The following CACNA1C variants were observed in gnomAD, a reference collection of about 807,000 sequenced individuals.
The protein encoded by CACNA1C is calcium voltage-gated channel subunit alpha1 C.
Under a neutral mutation model 229.0 loss-of-function variants are expected in CACNA1C, and 30 were observed. The observed-to-expected ratio is 0.13, with a 90% CI of 0.10 to 0.18. CACNA1C has a LOEUF of 0.18. Ranked by LOEUF, CACNA1C falls within the 10% of genes least tolerant of loss-of-function variation. The pLI, the probability that CACNA1C is intolerant of heterozygous loss-of-function variation, is 1.00. For missense variants in CACNA1C, 1,658 were observed against 2,845.0 expected, an observed-to-expected ratio of 0.58 and a Z score of 9.49; for synonymous variants, 1,114 against 1,132.5, an observed-to-expected ratio of 0.98 and a Z score of 0.33.
chr12:2,180,877 TG>T (rs1396723609), intron 3 of CACNA1C, among the ~76,000 whole-genome samples: 2 of 152,176 alleles, frequency 1.3e-5, no homozygotes, highest in Non-Finnish European at 2.9e-5. Flanking sequence ...GTGCAGAGTA[TG>T]GGGTGCTGAA....
At chr12:2,462,896 G>A (rs537540507) in intron 5 of CACNA1C, among the ~76,000 whole-genome samples, 76 of 150,574 alleles carry the variant, frequency 5.0e-4, no homozygotes, top group African/African-American at 1.7e-3. Flanking sequence ...AGTGTTAGAG[G>A]CCCCAAAAGT....
At chr12:2,320,472 T>C (rs1265150860) in intron 3 of CACNA1C, among the ~76,000 whole-genome samples, 1 of 152,246 alleles carries the variant, frequency 6.6e-6, no homozygotes, top group Non-Finnish European at 1.5e-5. Context: ...AGTCATTAAA[T>C]AGCAATTATT....
intron 3 of CACNA1C, among the ~76,000 whole-genome samples, chr12:2,274,061 G>C (rs1404895599): frequency 6.6e-6 from 1 of 152,232 alleles, no homozygotes. Context: ...AGGTGGCCCT[G>C]GGTCGAAGGA....
chr12:2,630,002 C>T lies in CACNA1C; in HGVS notation c.3829-4295C>T, dbSNP rs1020080518. On this transcript the variant is annotated intron_variant, in intron 29 of 46. Transcript: ENST00000399655. This position sits in a 1 kb window ranked among gnomAD's most constrained non-coding sequence, Gnocchi z 5.4. ...TGGGGAGTTGGAAGGGGGAAATCCA[C>T]TCAGCCTGTGGGATTGGGGGATGGC... Among the ~76,000 whole-genome samples, 5 of 152,174 alleles carry T rather than the reference C, an allele frequency of 3.3e-5. No individual in the cohort carries two copies. The highest frequency in any genetic ancestry group is 5.9e-5 in the Non-Finnish European group (4 of 68,038).
chr12:2,570,498 C>T (rs1040000368), intron 13 of CACNA1C, among the ~76,000 whole-genome samples: 5 of 152,082 alleles, frequency 3.3e-5, no homozygotes, highest in Non-Finnish European at 7.3e-5. Context: ...AATATTATGA[C>T]TGCTATTATT....
intron 30 of CACNA1C, among the ~76,000 whole-genome samples, chr12:2,636,442 G>A (rs1232953605): frequency 6.6e-6 from 1 of 152,232 alleles, no homozygotes; most frequent in Non-Finnish European, 1.5e-5. Context: ...GTTGGGGATA[G>A]GGAGGGGGCC....
At chr12:2,312,178 TGA>T (rs754694353) in intron 3 of CACNA1C, among the ~76,000 whole-genome samples, 49 of 152,092 alleles carry the variant, frequency 3.2e-4, no homozygotes, top group Non-Finnish European at 6.2e-4. Flanking sequence ...GTTAGAGGGG[TGA>T]CTCTTTTGGC....
At chr12:2,323,487 T>C (rs4765919) in intron 3 of CACNA1C, among the ~76,000 whole-genome samples, 111,626 of 151,954 alleles carry the variant, frequency 0.73, 41,634 homozygotes, top group African/African-American at 0.87. Flanking sequence ...GCCATCAGAA[T>C]AGGATTAGAG....
At chr12:2,583,206 T>C (rs1254340016) in intron 15 of CACNA1C, among the ~76,000 whole-genome samples, 1 of 152,176 alleles carries the variant, frequency 6.6e-6, no homozygotes, top group Non-Finnish European at 1.5e-5. Flanking sequence ...CGGCGCCCCC[T>C]GGCGTTGCGG....
At position 2,067,263 on chromosome 12, in the gene CACNA1C, C is replaced by CCT. The variant is rs1565475941; in HGVS notation, c.49+13653_49+13654dup. On this transcript the variant is annotated intron_variant, in intron 1 of 46. Coordinates refer to ENST00000399655, the MANE Select transcript of CACNA1C (RefSeq NM_000719.7). This position sits in a 1 kb window ranked among gnomAD's most constrained non-coding sequence, Gnocchi z 5.3. ...GAGTCAGGGAGTCTGAATCCCCCAG[C>CCT]CTGCCTCCATCCCAGGTGGATTAGT... Among the ~76,000 whole-genome samples, 1 of 152,062 alleles carries CCT rather than the reference C, an allele frequency of 6.6e-6. No individual in the cohort carries two copies. Among genetic ancestry groups the CCT allele is most frequent in the Non-Finnish European group, 1.5e-5 (1 of 68,012 alleles).
intron 30 of CACNA1C, among the ~76,000 whole-genome samples, chr12:2,635,318 G>T (rs1049220423): frequency 6.6e-6 from 1 of 152,164 alleles, no homozygotes; most frequent in African/African-American, 2.4e-5. Flanking sequence ...CTGTTACCTG[G>T]CATGTTTAAA....
Position 2,141,506 on chromosome 12 carries a change from C to T in CACNA1C, c.477+21076C>T, listed in dbSNP as rs148990999. Among the ~76,000 whole-genome samples the T allele has an allele frequency of 4.1e-3, 622 of 151,376 alleles. 9 individuals are homozygous for T. Among genetic ancestry groups the T allele is most frequent in the African/African-American group, 0.014 (584 of 41,470 alleles). On this transcript the variant is annotated intron_variant, in intron 3 of 46. Coordinates refer to ENST00000399655, the MANE Select transcript of CACNA1C (RefSeq NM_000719.7). Reference sequence around the variant, plus strand: ...ACAAGGCTCTTGTGAGGTGTTTTCCCGTCTCTTTTGTGTACACTGTGGGCT... The same window carrying T: ...ACAAGGCTCTTGTGAGGTGTTTTCCTGTCTCTTTTGTGTACACTGTGGGCT...
At chr12:2,036,211 A>C (rs1485438803) in intron 1 of CACNA1C, among the ~76,000 whole-genome samples, 1 of 152,318 alleles carries the variant, frequency 6.6e-6, no homozygotes, top group Non-Finnish European at 1.5e-5. Context: ...AAATGATGCC[A>C]CGTAGACCTA....
At chr12:2,628,313 C>A (rs1489293248) in intron 29 of CACNA1C, among the ~76,000 whole-genome samples, 2 of 152,230 alleles carry the variant, frequency 1.3e-5, no homozygotes, top group African/African-American at 2.4e-5. Flanking sequence ...AAGAACCTAG[C>A]AGTTAACTGT....
At chr12:2,110,900 G>A (rs2081390616) in intron 1 of CACNA1C, among the ~76,000 whole-genome samples, 1 of 129,246 alleles carries the variant, frequency 7.7e-6, no homozygotes, top group Non-Finnish European at 1.7e-5. Flanking sequence ...GAGAAGGGGA[G>A]GCCCAGGCCC....
At chr12:2,309,517 A>T (rs2154481658) in intron 3 of CACNA1C, among the ~76,000 whole-genome samples, 1 of 152,238 alleles carries the variant, frequency 6.6e-6, no homozygotes, top group African/African-American at 2.4e-5. Context: ...ACACACACAG[A>T]GGGAACTGTG....
intron 3 of CACNA1C, among the ~76,000 whole-genome samples, chr12:2,435,308 C>T (rs1302718957): frequency 6.6e-6 from 1 of 152,244 alleles, no homozygotes; most frequent in African/African-American, 2.4e-5. Flanking sequence ...CAGCAGGGCT[C>T]ATGTGGCAGG....
At chr12:2,009,979 A>G (rs2044107493) in intron 1 of CACNA1C, among the ~76,000 whole-genome samples, 1 of 147,464 alleles carries the variant, frequency 6.8e-6, no homozygotes, top group Admixed American at 6.8e-5. Flanking sequence ...TACTGCAAAT[A>G]GAAAAAAAAC....
intron 3 of CACNA1C, among the ~76,000 whole-genome samples, chr12:2,159,353 G>A (rs1597638193): frequency 6.6e-6 from 1 of 152,008 alleles, no homozygotes; most frequent in East Asian, 1.9e-4. Context: ...AAATTAGCTG[G>A]GTGTGGTAAC....
Sources: gnomAD v4.1 joint callset for allele counts (sites outside exome capture counted in the v4.1 genomes callset) on GRCh38, gnomAD v4.1.1 for gene constraint, Gnocchi (gnomAD v3.1) non-coding constraint, MANE v1.5 for transcripts, NCBI Gene and HGNC (gene_info 2026-07-23, HGNC 2026-07-21) for gene names.